Variants in UPF3B observed in about 807,000 individuals in gnomAD.
The protein encoded by UPF3B is UPF3B regulator of nonsense mediated mRNA decay.
In UPF3B, 7 loss-of-function variants were observed where a neutral mutation model predicts 40.3. The ratio of observed to expected loss-of-function variants is 0.17; its 90% CI spans 0.10 to 0.33. UPF3B has a LOEUF of 0.33. Among genes scored for constraint, UPF3B ranks in the 10% least tolerant of loss-of-function variants. The probability of loss-of-function intolerance (pLI) is 1.00; values close to 1 mark genes in which losing one functional copy is unlikely to be tolerated. For missense variants in UPF3B, 229 were observed against 358.9 expected, an observed-to-expected ratio of 0.64 and a Z score of 2.93; for synonymous variants, 117 against 117.3, an observed-to-expected ratio of 1.00 and a Z score of 0.01.
intron 4 of UPF3B, among the ~76,000 whole-genome samples, chrX:119,844,858 C>A (rs760624560): frequency 1.8e-3 from 206 of 112,361 alleles, no homozygotes; most frequent in African/African-American, 6.3e-3. Flanking sequence ...CCGCCTTGGC[C>A]TCCCAAAGTA....
intron 3 of UPF3B, among the ~76,000 whole-genome samples, chrX:119,825,115 G>GAAAGAAATACCCGAGTGTGGGTAATTTAT (rs2055967485): frequency 9.0e-6 from 1 of 111,462 alleles, no homozygotes; most frequent in Admixed American, 9.7e-5. Flanking sequence ...CACACTGGTA[G>GAAAGAAATACCCGAGTGTGGGTAATTTAT]AAAGAAATAC....
At chrX:119,823,009 G>T in exon 4 of UPF3B, 2 of 879,570 alleles carry the variant, frequency 2.3e-6, no homozygotes, top group Non-Finnish European at 2.8e-6. Context: ...TCGGCCTCGA[G>T]CTCCTCGATG....
At chrX:119,827,456 C>T (rs906502833) in intron 3 of UPF3B, among the ~76,000 whole-genome samples, 2 of 49,236 alleles carry the variant, frequency 4.1e-5, no homozygotes, top group Non-Finnish European at 2.9e-5. Flanking sequence ...ATTTTCGAGA[C>T]GGACTCTCTG....
intron 4 of UPF3B, among the ~76,000 whole-genome samples, chrX:119,816,434 C>T (rs1485499105): frequency 2.7e-5 from 3 of 111,540 alleles, no homozygotes; most frequent in Non-Finnish European, 5.6e-5. Context: ...TGCACAAGGA[C>T]TTATTTGAAT....
chrX:119,824,100 T>C (rs960320309), intron 3 of UPF3B, among the ~76,000 whole-genome samples: 2 of 106,409 alleles, frequency 1.9e-5, no homozygotes, highest in East Asian at 5.9e-4. Context: ...TAAAGATGGA[T>C]TTTAAAAATT....
chrX:119,831,851 C>A, downstream of UPF3B: 3 of 276,263 alleles, frequency 1.1e-5, no homozygotes, highest in Non-Finnish European at 1.5e-5. Context: ...TTAATATATC[C>A]TAAAGCCCAG....
At chrX:119,814,859 C>CTTTTTTTTTTTTTT (rs140201169) in intron 5 of UPF3B, among the ~76,000 whole-genome samples, 6 of 46,254 alleles carry the variant, frequency 1.3e-4, no homozygotes, top group Non-Finnish European at 1.5e-4. Context: ...TTCTTTCTTT[C>CTTTTTTTTTTTTTT]TTTTTTTTTT....
At chrX:119,808,739 CAA>C (rs2055810285) in intron 5 of UPF3B, among the ~76,000 whole-genome samples, 3 of 110,649 alleles carry the variant, frequency 2.7e-5, no homozygotes, top group Non-Finnish European at 5.7e-5. Context: ...ACAGGCTAGA[CAA>C]AGAGGCAAGG....
At chrX:119,808,864 A>C (rs1257446742) in intron 5 of UPF3B, among the ~76,000 whole-genome samples, 3 of 112,505 alleles carry the variant, frequency 2.7e-5, no homozygotes, top group Non-Finnish European at 5.6e-5. Context: ...CTACAGTATT[A>C]GTAGTCTCTT....
At chrX:119,841,053 A>T in intron 7 of UPF3B, 23 bp downstream of exon 7, 1 of 1,206,883 alleles carries the variant, frequency 8.3e-7, no homozygotes, top group Non-Finnish European at 1.1e-6. Flanking sequence ...AGCAACATGC[A>T]GTCAGTTTCA....
At chrX:119,841,532 CA>C (rs2056161038) in intron 6 of UPF3B, among the ~76,000 whole-genome samples, 1 of 111,852 alleles carries the variant, frequency 8.9e-6, no homozygotes, top group Non-Finnish European at 1.9e-5. Flanking sequence ...AAGAACATTC[CA>C]CGTTTGTAGA....
intron 5 of UPF3B, among the ~76,000 whole-genome samples, chrX:119,808,195 C>T (rs973836935): frequency 1.8e-5 from 2 of 111,643 alleles, no homozygotes; most frequent in East Asian, 2.8e-4. Context: ...TTATTAAGGA[C>T]ATGAAATTAT....
At chrX:119,808,252 AAGGAG>A (rs1405064060) in intron 5 of UPF3B, among the ~76,000 whole-genome samples, 2 of 111,346 alleles carry the variant, frequency 1.8e-5, no homozygotes, top group Admixed American at 1.9e-4. Context: ...CAACACAAGA[AAGGAG>A]AGGAAGGGAG....
At chrX:119,825,165 A>G (rs1451924888) in intron 3 of UPF3B, among the ~76,000 whole-genome samples, 1 of 111,705 alleles carries the variant, frequency 9.0e-6, no homozygotes, top group African/African-American at 3.2e-5. Flanking sequence ...GGTTTAATTG[A>G]CTCACAGTTC....
chrX:119,842,674 A>C (rs887143823), intron 5 of UPF3B, among the ~76,000 whole-genome samples: 2 of 110,001 alleles, frequency 1.8e-5, no homozygotes, highest in Admixed American at 2.0e-4. Context: ...ACAAACAAAC[A>C]AACAAAAAAA....
intron 5 of UPF3B, chrX:119,815,108 C>A: frequency 2.6e-6 from 1 of 378,217 alleles, no homozygotes; most frequent in South Asian, 1.3e-4. Context: ...TCAGGTAATC[C>A]ACCCGCCTCG....
intron 3 of UPF3B, among the ~76,000 whole-genome samples, chrX:119,849,534 AC>A (rs2056276046): frequency 9.1e-6 from 1 of 110,092 alleles, no homozygotes; most frequent in South Asian, 3.8e-4. Context: ...AAGAAAAAAA[AC>A]AAAAATAAAA....
rs532688271 is a variant in UPF3B at position 119,835,650 on chromosome X, G to T, written c.1303-623C>A. On this transcript the variant is annotated intron_variant, in intron 10 of 10. Coordinates refer to ENST00000276201, the MANE Select transcript of UPF3B (RefSeq NM_080632.3). Reference sequence around the variant, plus strand: ...AGCCCTACAAGACAAATTGGTTTCTGCAACAAATGGTAGGAAAACAAGAGA... The same window carrying T: ...AGCCCTACAAGACAAATTGGTTTCTTCAACAAATGGTAGGAAAACAAGAGA... 2.6e-4 allele frequency among the ~76,000 whole-genome samples: 29 copies of T among 112,247 alleles called. 1 individual carries two copies. The highest frequency in any genetic ancestry group is 8.4e-4 in the African/African-American group (26 of 30,990).
chrX:119,838,464 A>G lies in UPF3B; in HGVS notation c.910T>C (p.Leu304=). 8.3e-7 allele frequency: 1 copy of G among 1,211,385 alleles called. No individual in the cohort carries two copies. Among genetic ancestry groups the G allele is most frequent in the African/African-American group, 1.7e-5 (1 of 57,780 alleles). Residue 304 remains leucine (L), a synonymous_variant, in exon 9 of 11, where the codon TTG becomes CTG. Coordinates refer to ENST00000276201, the MANE Select transcript of UPF3B (RefSeq NM_080632.3). ...TCATCACTGAGATTCTCTTTGTCCAATTTCTTGGCTTTTTCTCTTTTGTCC... is the reference window on the plus strand; with the variant it reads ...TCATCACTGAGATTCTCTTTGTCCAGTTTCTTGGCTTTTTCTCTTTTGTCC... ...ELDKREKAKK[L]DKENLSDERA...
Sources: allele counts gnomAD v4.1 joint callset (sites outside exome capture counted in the v4.1 genomes callset), GRCh38; gene constraint gnomAD v4.1.1; transcripts MANE v1.5; gene names NCBI Gene and HGNC (gene_info 2026-07-23, HGNC 2026-07-21).